Variants in PTPRB observed in about 807,000 individuals in gnomAD.
The protein encoded by PTPRB is receptor-type tyrosine-protein phosphatase beta.
Under a neutral mutation model 238.1 loss-of-function variants are expected in PTPRB, and 97 were observed. The ratio of observed to expected loss-of-function variants is 0.41; its 90% confidence interval spans 0.35 to 0.48. PTPRB has a LOEUF of 0.48. Ranked by LOEUF, PTPRB falls within the 20% of genes least tolerant of loss-of-function variation. PTPRB has a pLI of 0.30. For missense variants in PTPRB, 2,292 were observed against 2,681.9 expected (o/e 0.85, Z 3.21); for synonymous variants, 970 against 995.4 (o/e 0.97, Z 0.48).
chr12:70,627,973 T>C (rs1885281944), intron 2 of PTPRB, among the ~76,000 whole-genome samples: 1 of 152,200 alleles, frequency 6.6e-6, no homozygotes, highest in African/African-American at 2.4e-5. Context: ...TGATTGCTTA[T>C]CTTTTACAAT....
At chr12:70,568,784 G>A (rs1879651432) in intron 14 of PTPRB, among the ~76,000 whole-genome samples, 2 of 152,210 alleles carry the variant, frequency 1.3e-5, no homozygotes, top group Admixed American at 6.5e-5. Context: ...AGGGCACGAG[G>A]TTTGGGGCCA....
At chr12:70,573,461 G>T (rs930834970) in intron 11 of PTPRB, among the ~76,000 whole-genome samples, 1 of 150,332 alleles carries the variant, frequency 6.7e-6, no homozygotes, top group East Asian at 2.0e-4. Flanking sequence ...TGCCTAAAAA[G>T]TAAAGGTGGC....
At position 70,521,514 on chromosome 12, in the gene PTPRB, GA is replaced by G. The variant is rs1462504806; in HGVS notation, c.6626-4del. ...TCAATGCCTTGAATAGACTGGATCT[GA>G]AAGGAAGAACACTGTAATTAGAGAC... On this transcript the variant is annotated splice_region_variant and splice_polypyrimidine_tract_variant and intron_variant, in intron 33 of 33. Coordinates refer to ENST00000334414, the MANE Select transcript of PTPRB (RefSeq NM_001109754.4). 1.3e-6 allele frequency: 2 copies of G among 1,544,066 alleles called. No homozygotes were observed. The highest frequency in any genetic ancestry group is 2.8e-5 in the African/African-American group (2 of 72,688).
chr12:70,535,916 C>T, intron 29 of PTPRB, 109 bp downstream of exon 29: 1 of 1,373,824 alleles, frequency 7.3e-7, no homozygotes, highest in East Asian at 2.3e-5. Context: ...TAACAATGCT[C>T]TCACATGATC....
chr12:70,565,387 C>G (rs572625436), intron 15 of PTPRB, among the ~76,000 whole-genome samples: 2 of 152,186 alleles, frequency 1.3e-5, no homozygotes, highest in Admixed American at 6.5e-5. Flanking sequence ...TTCTCCTGTT[C>G]ATACCTCTTG....
chr12:70,534,721 A>T (rs1873825169), intron 30 of PTPRB, 70 bp from the exon 31 acceptor site: 1 of 1,600,170 alleles, frequency 6.2e-7, no homozygotes, highest in Admixed American at 1.7e-5. Context: ...CAGCTGAGCC[A>T]TGGAGCAACT....
rs1871325508 is a variant in PTPRB at position 70,518,065 on chromosome 12, T to G, written c.*3424A>C. 1 of 152,122 alleles carries G rather than the reference T, an allele frequency of 6.6e-6. No homozygotes were observed. The highest frequency in any genetic ancestry group is 6.6e-5 in the Admixed American group (1 of 15,256). 9.4% of individuals were successfully genotyped at this position (152,122 alleles called of 1,614,324 possible). ...TTTGGGCTTTCTTCCGAGAGGTGAT[T>G]ACAAAATTTATCAAAGACCCTCCCA... is the stretch of plus-strand genomic sequence containing the variant. On this transcript the variant is annotated 3_prime_UTR_variant, in exon 34 of 34. Coordinates refer to ENST00000334414, the MANE Select transcript of PTPRB (RefSeq NM_001109754.4).
rs1871589852 is a variant in PTPRB, at chr12:70,520,973, G to C, written c.*516C>G. The stretch of plus-strand genomic sequence containing the variant: ...TCTCCCTCCCTCTAATCCTTTTTTT[G>C]ACTGTCACATTTGTCCTAATAGCAA... On this transcript the variant is annotated 3_prime_UTR_variant, in exon 34 of 34. Transcript: ENST00000334414. 6.6e-6 allele frequency: 1 copy of C among 152,110 alleles called. No individual in the cohort carries two copies. The highest frequency in any genetic ancestry group is 6.6e-5 in the Admixed American group (1 of 15,250). The allele number at this position is 152,110 out of a possible 1,614,324, so 9.4% of individuals were successfully genotyped here. A position where few individuals can be genotyped will look rare whatever the true frequency, so the allele number is the denominator to read the frequency against.
chr12:70,617,606 C>A (rs574777000), intron 3 of PTPRB, among the ~76,000 whole-genome samples: 3 of 152,150 alleles, frequency 2.0e-5, no homozygotes, highest in African/African-American at 7.2e-5. Flanking sequence ...GGTGTCTCCC[C>A]TGCATACTTT....
intron 3 of PTPRB, among the ~76,000 whole-genome samples, chr12:70,616,219 C>T (rs1022018165): frequency 2.0e-5 from 3 of 152,128 alleles, no homozygotes; most frequent in Non-Finnish European, 4.4e-5. Flanking sequence ...GCTAGGATTA[C>T]AGGTGTGAGC....
At chr12:70,626,296 CATCTATCTATCTATCT>C (rs35084668) in intron 2 of PTPRB, among the ~76,000 whole-genome samples, 157 of 91,932 alleles carry the variant, frequency 1.7e-3, no homozygotes, top group South Asian at 3.7e-3. Flanking sequence ...TCTATCCATC[CATCTATCTATCTATCT>C]ATCTATCTAT....
intron 18 of PTPRB, among the ~76,000 whole-genome samples, chr12:70,557,869 C>G (rs907237480): frequency 2.0e-5 from 3 of 152,208 alleles, no homozygotes; most frequent in Non-Finnish European, 2.9e-5. Context: ...TCTGAGGAGA[C>G]AGGACAGGGT....
intron 31 of PTPRB, 127 bp from the exon 32 acceptor site, chr12:70,532,297 T>C: frequency 8.1e-7 from 1 of 1,230,876 alleles, no homozygotes; most frequent in South Asian, 1.7e-5. Context: ...AATATTTCTT[T>C]CTCTCAAATA....
At chr12:70,588,825 C>A (rs555471024) in intron 8 of PTPRB, among the ~76,000 whole-genome samples, 60 of 150,336 alleles carry the variant, frequency 4.0e-4, no homozygotes, top group Non-Finnish European at 8.4e-4. Flanking sequence ...TGGTGGCACA[C>A]GCCTGTAATC....
chr12:70,592,691 T>C, intron 6 of PTPRB, 146 bp from the exon 7 acceptor site: 1 of 853,272 alleles, frequency 1.2e-6, no homozygotes, highest in Non-Finnish European at 1.8e-6. Context: ...TATTATCCTC[T>C]TCAGATGGTG....
intron 4 of PTPRB, among the ~76,000 whole-genome samples, chr12:70,599,576 G>A (rs1245483367): frequency 6.6e-6 from 1 of 152,020 alleles, no homozygotes; most frequent in African/African-American, 2.4e-5. Flanking sequence ...GTAATTCTTG[G>A]TTCCCAACAG....
At chr12:70,616,697 G>A (rs1336999385) in intron 3 of PTPRB, among the ~76,000 whole-genome samples, 1 of 152,128 alleles carries the variant, frequency 6.6e-6, no homozygotes, top group African/African-American at 2.4e-5. Context: ...ATCTCATTTT[G>A]CTTTCCCATT....
At chr12:70,609,545 G>A (rs368231026) in intron 3 of PTPRB, among the ~76,000 whole-genome samples, 1 of 152,344 alleles carries the variant, frequency 6.6e-6, no homozygotes, top group African/African-American at 2.4e-5. Context: ...CTTGAGAGCA[G>A]CTGGAGAGAG....
chr12:70,560,662 G>A lies in PTPRB; in HGVS notation c.4432+9C>T, dbSNP rs1878370860. On this transcript the variant is annotated intron_variant, in intron 17 of 33. Transcript: ENST00000334414. The surrounding 1 kb of genome is among the most constrained non-coding windows in gnomAD (Gnocchi z 4.2). The stretch of plus-strand genomic sequence containing the variant: ...CCATCCCTTGGCCATTGGCACCTGG[G>A]CTTCTCACCTGTTCTGCTCTCCGCT... The A allele has an allele frequency of 6.2e-7, 1 of 1,611,980 alleles. No homozygotes were observed. The highest frequency in any genetic ancestry group is 8.5e-7 in the Non-Finnish European group (1 of 1,178,568).
Sources: allele counts gnomAD v4.1 joint callset (sites outside exome capture counted in the v4.1 genomes callset), GRCh38; gene constraint gnomAD v4.1.1; non-coding constraint Gnocchi (gnomAD v3.1); transcripts MANE v1.5; gene names NCBI Gene and HGNC (gene_info 2026-07-23, HGNC 2026-07-21).